PATJ: variants seen among roughly 807,000 people sequenced by gnomAD.
The protein encoded by PATJ is PATJ crumbs cell polarity complex component, also known as inaD-like protein.
PATJ carries 190 observed loss-of-function variants against 224.9 expected under a neutral mutation model. The ratio of observed to expected loss-of-function variants is 0.84; its 90% CI spans 0.75 to 0.95. The LOEUF (loss-of-function observed/expected upper bound fraction) is 0.95. PATJ is among the 40% of genes least tolerant of loss of function. The pLI is 0.00. For synonymous variants in PATJ, 769 were observed against 820.3 expected (o/e 0.94, Z 1.07); for missense variants, 2,121 against 2,270.3 (o/e 0.93, Z 1.34).
At position 61,775,330 on chromosome 1, in the gene PATJ, A is replaced by G; in HGVS notation, c.845A>G (p.Asp282Gly). 6.2e-7 allele frequency: 1 copy of G among 1,607,286 alleles called. No homozygotes were observed. The highest frequency in any genetic ancestry group is 8.5e-7 in the Non-Finnish European group (1 of 1,177,968). ...VRTIVPGGLA[D>G]RDGRLQTGDH... Reference sequence around the variant, plus strand: ...ACTATAGTTCCTGGAGGATTAGCAGATCGAGTAAGTCAACCTTCCTTGTTA... The same window carrying G: ...ACTATAGTTCCTGGAGGATTAGCAGGTCGAGTAAGTCAACCTTCCTTGTTA... Residue 282 changes from aspartate (D) to glycine (G), a missense_variant, in exon 7 of 44, where the codon GAT becomes GGT. Transcript: ENST00000642238.
chr1:61,864,757 T>C, intron 20 of PATJ, 124 bp downstream of exon 20: 1 of 769,466 alleles, frequency 1.3e-6, no homozygotes, highest in East Asian at 2.7e-5. Flanking sequence ...TCGTCACTGT[T>C]TACAAGATGT....
chr1:62,066,694 T>C (rs970327637), intron 31 of PATJ, among the ~76,000 whole-genome samples: 1 of 152,166 alleles, frequency 6.6e-6, no homozygotes, highest in African/African-American at 2.4e-5. Context: ...GACCACAGCA[T>C]TGCAGTAAAG....
chr1:61,748,086 G>T (rs2148153449), intron 1 of PATJ, among the ~76,000 whole-genome samples: 1 of 151,816 alleles, frequency 6.6e-6, no homozygotes, highest in East Asian at 1.9e-4. Context: ...TCACCATGTT[G>T]CTCAGGCTGG....
rs1401914267 is a variant in PATJ at position 61,897,126 on chromosome 1, T to G, written c.3132-2457T>G. Among the ~76,000 whole-genome samples the G allele has an allele frequency of 2.6e-5, 4 of 152,196 alleles. 1 individual carries two copies. The East Asian group carries it at 7.7e-4, about 29-fold the overall frequency. On this transcript the variant is annotated intron_variant, in intron 22 of 43. Transcript: ENST00000642238. Reference sequence around the variant, plus strand: ...TTGTTATAAGTTCAAGTGAAAAAAATTATAGAGGAAATGAATATTGGTTGA... The same window carrying G: ...TTGTTATAAGTTCAAGTGAAAAAAAGTATAGAGGAAATGAATATTGGTTGA...
intron 29 of PATJ, among the ~76,000 whole-genome samples, chr1:62,032,313 C>CCTGTCTGTGACCT (rs78365806): frequency 0.14 from 21,918 of 152,136 alleles, 1,720 homozygotes; most frequent in Middle Eastern, 0.24. Context: ...TCTCTGACTT[C>CCTGTCTGTGACCT]CTAGGCATTC....
At position 61,914,655 on chromosome 1, in the gene PATJ, G is replaced by T; in HGVS notation, c.3561G>T (p.Lys1187Asn). The change falls in exon 26 of 44, where the codon AAG becomes AAT. Residue 1187 changes from lysine to asparagine, a missense_variant. Transcript: ENST00000642238. Reference sequence around the variant, plus strand: ...ACCAGAACCAGGACACCCAAGAAAAGAAAGAAAAGGTAACTTGAACCTCTC... The same window carrying T: ...ACCAGAACCAGGACACCCAAGAAAATAAAGAAAAGGTAACTTGAACCTCTC... ...TGNQNQDTQE[K>N]KEKRQGTAPP... is the part of the protein sequence containing the mutation. 1 of 1,568,626 alleles carries T rather than the reference G, an allele frequency of 6.4e-7. No homozygotes were observed. Among genetic ancestry groups the T allele is most frequent in the South Asian group, 1.1e-5 (1 of 89,720 alleles).
At chr1:62,134,775 G>C (rs1203365601) in intron 41 of PATJ, among the ~76,000 whole-genome samples, 1 of 152,142 alleles carries the variant, frequency 6.6e-6, no homozygotes, top group East Asian at 1.9e-4. Flanking sequence ...CTGTGCCTCG[G>C]GCGCAGGCCT....
At chr1:61,813,334 CATAT>C (rs747640923) in intron 14 of PATJ, among the ~76,000 whole-genome samples, 1,146 of 62,698 alleles carry the variant, frequency 0.018, 8 homozygotes, top group East Asian at 0.041. Flanking sequence ...ATGGAATGTA[CATAT>C]ATATATATAT....
chr1:61,905,916 G>A (rs563230143), intron 24 of PATJ, among the ~76,000 whole-genome samples: 1 of 152,268 alleles, frequency 6.6e-6, no homozygotes, highest in South Asian at 2.1e-4. Context: ...GACACCAACT[G>A]TCTTATAATT....
intron 30 of PATJ, among the ~76,000 whole-genome samples, chr1:62,048,124 G>T (rs1652881021): frequency 6.6e-6 from 1 of 152,204 alleles, no homozygotes; most frequent in Non-Finnish European, 1.5e-5. Context: ...CCTCATTTAT[G>T]AATTGGGATC....
At chr1:61,806,329 A>G (rs571590711) in intron 13 of PATJ, among the ~76,000 whole-genome samples, 2 of 152,152 alleles carry the variant, frequency 1.3e-5, no homozygotes, top group South Asian at 4.1e-4. Flanking sequence ...TGTCATTAAG[A>G]TGAGTCAAGG....
chr1:61,960,932 G>C (rs1681185985), intron 27 of PATJ, among the ~76,000 whole-genome samples: 1 of 152,130 alleles, frequency 6.6e-6, no homozygotes, highest in Non-Finnish European at 1.5e-5. Flanking sequence ...TTGGTATCTT[G>C]TAAATATATT....
At chr1:61,905,263 A>G (rs893056384) in intron 24 of PATJ, among the ~76,000 whole-genome samples, 2 of 152,226 alleles carry the variant, frequency 1.3e-5, no homozygotes, top group Non-Finnish European at 2.9e-5. Context: ...GTGTCCTCAC[A>G]TAGTGGAAGG....
At chr1:62,108,326 T>A (rs1570633241) in intron 33 of PATJ, 111 bp from the exon 34 acceptor site, 1 of 536,310 alleles carries the variant, frequency 1.9e-6, no homozygotes, top group East Asian at 3.2e-5. Context: ...TTATGTCAGA[T>A]AAAATATAAC....
At chr1:61,751,495 T>G (rs1645325898) in intron 1 of PATJ, among the ~76,000 whole-genome samples, 1 of 152,054 alleles carries the variant, frequency 6.6e-6, no homozygotes, top group African/African-American at 2.4e-5. Flanking sequence ...TTGTCATTGT[T>G]GCTCGTTGGA....
chr1:62,040,586 C>A (rs1404337422), intron 30 of PATJ, among the ~76,000 whole-genome samples: 2 of 152,070 alleles, frequency 1.3e-5, no homozygotes, highest in African/African-American at 2.4e-5. Flanking sequence ...GGAGCCTTCC[C>A]TGCTGAGAGG....
intron 29 of PATJ, 57 bp from the exon 30 acceptor site, chr1:62,037,920 G>C (rs1558076606): frequency 9.7e-7 from 1 of 1,028,604 alleles, no homozygotes. Flanking sequence ...TTTATAATTT[G>C]AGCCAGGAAC....
At chr1:61,818,093 T>C (rs1053570747) in intron 14 of PATJ, among the ~76,000 whole-genome samples, 3 of 152,194 alleles carry the variant, frequency 2.0e-5, no homozygotes, top group Non-Finnish European at 4.4e-5. Flanking sequence ...TGTTATAGTA[T>C]CCTAAAAGTA....
chr1:61,818,569 G>T (rs1034793208), intron 14 of PATJ, among the ~76,000 whole-genome samples: 16 of 152,232 alleles, frequency 1.1e-4, no homozygotes, highest in African/African-American at 3.9e-4. Flanking sequence ...AATGTAACAT[G>T]AAATCTTAGA....
Sources: gnomAD v4.1 joint callset for allele counts (sites outside exome capture counted in the v4.1 genomes callset) on GRCh38, gnomAD v4.1.1 for gene constraint, MANE v1.5 for transcripts, NCBI Gene and HGNC (gene_info 2026-07-23, HGNC 2026-07-21) for gene names.